ITPKB: variants seen among roughly 807,000 people sequenced by gnomAD.
The protein encoded by ITPKB is inositol-trisphosphate 3-kinase B.
Under a neutral mutation model 69.4 loss-of-function variants are expected in ITPKB, and 13 were observed. That is an observed-to-expected ratio of 0.19 (90% CI 0.12 to 0.30). ITPKB has a LOEUF of 0.30. Ranked by LOEUF, ITPKB falls within the 10% of genes least tolerant of loss-of-function variation. The pLI is 1.00. For missense variants in ITPKB, 1,240 were observed against 1,250.5 expected (o/e 0.99, Z 0.13); for synonymous variants, 584 against 513.7 (o/e 1.14, Z -1.85).
chr1:226,725,697 G>T (rs769340995), intron 2 of ITPKB, among the ~76,000 whole-genome samples: 1 of 152,160 alleles, frequency 6.6e-6, no homozygotes, highest in Non-Finnish European at 1.5e-5. Flanking sequence ...GCCTTCCCTG[G>T]TGTCTGTTAC....
intron 2 of ITPKB, among the ~76,000 whole-genome samples, chr1:226,668,230 A>G (rs181744655): frequency 9.8e-5 from 15 of 152,324 alleles, no homozygotes; most frequent in African/African-American, 3.4e-4. Flanking sequence ...ACACAGACTA[A>G]TTACCTTTTC....
Position 226,650,089 on chromosome 1 carries a change from C to T in ITPKB, c.1933-1318G>A, listed in dbSNP as rs1319607344. ...AGGGTGGTACTGCCTGACAGGGGGACACACTGAAGATGTGGTTCCCACTCC... is the reference window on the plus strand; with the variant it reads ...AGGGTGGTACTGCCTGACAGGGGGATACACTGAAGATGTGGTTCCCACTCC... On this transcript the variant is annotated intron_variant, in intron 2 of 7. Coordinates refer to ENST00000429204, the MANE Select transcript of ITPKB (RefSeq NM_002221.4). Among the ~76,000 whole-genome samples, 6 of 152,182 alleles carry T rather than the reference C, an allele frequency of 3.9e-5. No homozygotes were observed. In the East Asian group the frequency reaches 9.6e-4, roughly 24 times the overall value.
At chr1:226,671,435 C>T (rs1669615825) in intron 2 of ITPKB, among the ~76,000 whole-genome samples, 1 of 152,222 alleles carries the variant, frequency 6.6e-6, no homozygotes. Flanking sequence ...AATGGATTCA[C>T]GCATGCATGC....
intron 2 of ITPKB, among the ~76,000 whole-genome samples, chr1:226,701,656 G>C (rs1656644652): frequency 6.8e-6 from 1 of 146,874 alleles, no homozygotes; most frequent in African/African-American, 2.5e-5. Flanking sequence ...TTTTCTCCAA[G>C]GACTTAATCT....
At chr1:226,648,592 A>G (rs1669108929) in intron 3 of ITPKB, 80 bp downstream of exon 3, 2 of 861,096 alleles carry the variant, frequency 2.3e-6, no homozygotes, top group African/African-American at 1.7e-5. Flanking sequence ...TGGAGCTTTG[A>G]TCCCCAGAAT....
chr1:226,692,704 A>T (rs565134333), intron 2 of ITPKB, among the ~76,000 whole-genome samples: 1 of 152,332 alleles, frequency 6.6e-6, no homozygotes, highest in Admixed American at 6.5e-5. Flanking sequence ...CACTCAGCTT[A>T]GTCCCAAGAA....
intron 1 of ITPKB, among the ~76,000 whole-genome samples, 175 bp from the exon 2 acceptor site, chr1:226,737,838 C>T (rs908615095): frequency 1.3e-5 from 2 of 152,126 alleles, no homozygotes; most frequent in African/African-American, 2.4e-5. Flanking sequence ...CCGGCTGCCT[C>T]GGTCGCCAGC....
chr1:226,737,081 C>A lies in ITPKB; in HGVS notation c.378G>T (p.Glu126Asp), dbSNP rs563769960. Residue 126 changes from glutamate (E) to aspartate (D), a missense_variant, in exon 2 of 8, where the codon GAG (glutamate) becomes GAT (aspartate). Glu to Asp is a conservative substitution (Grantham distance 45). This residue lies in a region of ITPKB where 992 missense variants were observed against 853.8 expected (regional missense o/e 1.16). Transcript: ENST00000429204. ...GCAAGATCCGCAGCTTCCTCTTGGC[C>A]TCCTCCGGCCCTGGCGGGGAGAGGG... ...AGTLSPPGPEEAKRKLRILQR... is the reference protein window; with the variant it reads ...AGTLSPPGPEDAKRKLRILQR... 2 of 1,610,080 alleles carry A rather than the reference C, an allele frequency of 1.2e-6. No individual in the cohort carries two copies. Among genetic ancestry groups the A allele is most frequent in the Non-Finnish European group, 8.5e-7 (1 of 1,179,892 alleles).
chr1:226,693,660 C>T (rs1656410127), intron 2 of ITPKB, among the ~76,000 whole-genome samples: 1 of 152,122 alleles, frequency 6.6e-6, no homozygotes. Flanking sequence ...TGGTTGTAAC[C>T]ATCTAAATTG....
intron 2 of ITPKB, among the ~76,000 whole-genome samples, chr1:226,665,345 GC>G (rs1342724818): frequency 6.6e-6 from 1 of 152,192 alleles, no homozygotes; most frequent in African/African-American, 2.4e-5. Context: ...CTACTCACTG[GC>G]CATGTCAACG....
chr1:226,703,635 T>C (rs950585273), intron 2 of ITPKB, among the ~76,000 whole-genome samples: 29 of 152,308 alleles, frequency 1.9e-4, no homozygotes, highest in African/African-American at 7.0e-4. Context: ...CGGCCGCCCC[T>C]GTCGCCTTCG....
Position 226,679,929 on chromosome 1 carries a change from C to G in ITPKB, c.1933-31158G>C, listed in dbSNP as rs535909826. On this transcript the variant is annotated intron_variant, in intron 2 of 7. Transcript: ENST00000429204. ...GCAGCAAACCCGGGAAGAGTTAAAG[C>G]GCAGGCCAGGCGGAGAGGGCAGGGA... 9.3e-5 allele frequency among the ~76,000 whole-genome samples: 14 copies of G among 151,146 alleles called. No homozygotes were observed. In the East Asian group the frequency reaches 1.6e-3, roughly 17 times the overall value.
chr1:226,682,349 T>C (rs544573976), intron 2 of ITPKB, among the ~76,000 whole-genome samples: 1 of 152,340 alleles, frequency 6.6e-6, no homozygotes, highest in South Asian at 2.1e-4. Context: ...TTCAGGGTTC[T>C]TGAGAACAGA....
intron 2 of ITPKB, among the ~76,000 whole-genome samples, chr1:226,667,648 G>T (rs1415302788): frequency 6.6e-6 from 1 of 152,198 alleles, no homozygotes; most frequent in Admixed American, 6.5e-5. Flanking sequence ...TGACATCAGT[G>T]CTGTCCCTGG....
intron 2 of ITPKB, among the ~76,000 whole-genome samples, chr1:226,654,419 G>A (rs1433513138): frequency 1.3e-5 from 2 of 152,160 alleles, no homozygotes; most frequent in African/African-American, 4.8e-5. Flanking sequence ...GAAGCTCAGG[G>A]CATGCCACAT....
chr1:226,706,999 A>T (rs1311235404), intron 2 of ITPKB, among the ~76,000 whole-genome samples: 1 of 152,166 alleles, frequency 6.6e-6, no homozygotes, highest in Non-Finnish European at 1.5e-5. Flanking sequence ...GGCACAGTTC[A>T]ATCCTCTAGG....
At position 226,735,825 on chromosome 1, in the gene ITPKB, G is replaced by A. The variant is rs149543375; in HGVS notation, c.1634C>T (p.Pro545Leu). 4 of 1,608,240 alleles carry A rather than the reference G, an allele frequency of 2.5e-6. No individual in the cohort carries two copies. Among genetic ancestry groups the A allele is most frequent in the Admixed American group, 1.7e-5 (1 of 59,850 alleles). Residue 545 changes from proline to leucine, a missense_variant, in exon 2 of 8, where the codon CCG becomes CTG. Physicochemically the swap from Pro to Leu is moderately conservative, Grantham distance 98. This residue lies in a region of ITPKB where 992 missense variants were observed against 853.8 expected (regional missense o/e 1.16). Coordinates refer to ENST00000429204, the MANE Select transcript of ITPKB (RefSeq NM_002221.4). Reference protein sequence around the residue: ...QRQDSDALPSPELLPQDPDKP... With the variant: ...QRQDSDALPSLELLPQDPDKP... Reference sequence around the variant, plus strand: ...GTCCGGATCTTGGGGTAGCAGCTCCGGACTTGGGAGGGCATCACTGTCCTG... The same window carrying A: ...GTCCGGATCTTGGGGTAGCAGCTCCAGACTTGGGAGGGCATCACTGTCCTG...
intron 2 of ITPKB, among the ~76,000 whole-genome samples, chr1:226,711,379 G>A (rs891291269): frequency 1.3e-5 from 2 of 150,948 alleles, no homozygotes; most frequent in Admixed American, 1.3e-4. Flanking sequence ...TGCAGTACCT[G>A]CCTCCAGCCC....
Position 226,738,195 on chromosome 1 carries a change from C to G in ITPKB, c.-205-532G>C, listed in dbSNP as rs997064573. Among the ~76,000 whole-genome samples the G allele has an allele frequency of 9.9e-5, 15 of 152,132 alleles. No homozygotes were observed. The highest frequency in any genetic ancestry group is 3.6e-4 in the African/African-American group (15 of 41,426). ...GAACCTAAGCGGGACCTGCCTTGCC[C>G]GAGCCGCTGCCAGCGCCCGGATCTG... On this transcript the variant is annotated intron_variant, in intron 1 of 7. Transcript: ENST00000429204. This position sits in a 1 kb window ranked among gnomAD's most constrained non-coding sequence, Gnocchi z 4.2.
Sources: allele counts gnomAD v4.1 joint callset (sites outside exome capture counted in the v4.1 genomes callset), GRCh38; gene constraint gnomAD v4.1.1; regional missense constraint gnomAD v4.1.1; non-coding constraint Gnocchi (gnomAD v3.1); transcripts MANE v1.5; gene names NCBI Gene and HGNC (gene_info 2026-07-23, HGNC 2026-07-21).